The following TNFSF10 variants were observed in gnomAD, a reference collection of about 807,000 sequenced individuals.
TNFSF10 encodes the protein tumor necrosis factor ligand superfamily member 10.
Under a neutral mutation model 29.5 loss-of-function variants are expected in TNFSF10, and 13 were observed. The observed-to-expected ratio is 0.44, with a 90% CI of 0.29 to 0.70. The LOEUF (loss-of-function observed/expected upper bound fraction) is 0.70. Ranked by LOEUF, TNFSF10 falls within the 30% of genes least tolerant of loss-of-function variation. TNFSF10 has a pLI of 0.13. For missense variants in TNFSF10, 345 were observed against 330.9 expected (o/e 1.04, Z -0.33); for synonymous variants, 111 against 112.8 (o/e 0.98, Z 0.10).
At chr3:172,509,053 CT>C (rs760984941) in intron 4 of TNFSF10, 163 bp downstream of exon 4, 12 of 468,074 alleles carry the variant, frequency 2.6e-5, no homozygotes, top group Non-Finnish European at 4.0e-5. Flanking sequence ...AGCTGTTTGT[CT>C]GTAATCTTGC....
intron 1 of TNFSF10, among the ~76,000 whole-genome samples, chr3:172,516,776 T>A (rs998812980): frequency 1.3e-5 from 2 of 152,170 alleles, no homozygotes; most frequent in Non-Finnish European, 2.9e-5. Flanking sequence ...CGAATTGACT[T>A]GGGAGATGCA....
At chr3:172,506,946 G>A (rs114244201) in intron 4 of TNFSF10, 27 bp from the exon 5 acceptor site, 1,205 of 1,524,414 alleles carry the variant, frequency 7.9e-4, no homozygotes, top group Non-Finnish European at 9.7e-4. Context: ...GAGAAAGAGC[G>A]TTAACAGAAG....
intron 1 of TNFSF10, among the ~76,000 whole-genome samples, chr3:172,520,630 T>A (rs231982): frequency 6.6e-6 from 1 of 152,096 alleles, no homozygotes; most frequent in East Asian, 1.9e-4. Context: ...GTTCATTCAC[T>A]CAATAAGTAT....
intron 4 of TNFSF10, chr3:172,507,167 A>G (rs1713025411): frequency 2.1e-6 from 1 of 482,918 alleles, no homozygotes; most frequent in South Asian, 3.0e-5. Flanking sequence ...ATACCTTGTC[A>G]GCTGCTTATG....
At chr3:172,514,769 C>T in intron 2 of TNFSF10, 92 bp downstream of exon 2, 1 of 1,509,882 alleles carries the variant, frequency 6.6e-7, no homozygotes, top group Non-Finnish European at 9.0e-7. Context: ...AATGAAGAGT[C>T]TAGACTTGAT....
At position 172,506,322 on chromosome 3, in the gene TNFSF10, G is replaced by A. The variant is rs971534099; in HGVS notation, c.*170C>T. On this transcript the variant is annotated 3_prime_UTR_variant, in exon 5 of 5. Coordinates refer to ENST00000241261, the MANE Select transcript of TNFSF10 (RefSeq NM_003810.4). ...GTGAGTCACTTTCAGAACAGTGTGT[G>A]TTGTAGAATTTTTTGGTTGTGGCTG... 1.6e-5 allele frequency: 11 copies of A among 681,250 alleles called. No homozygotes were observed. The highest frequency in any genetic ancestry group is 2.6e-5 in the Non-Finnish European group (11 of 417,338). 42.2% of individuals were successfully genotyped at this position (681,250 alleles called of 1,614,324 possible).
chr3:172,521,555 A>T (rs1713699068), intron 1 of TNFSF10, among the ~76,000 whole-genome samples: 1 of 152,218 alleles, frequency 6.6e-6, no homozygotes, highest in Non-Finnish European at 1.5e-5. Context: ...GAAACAACAG[A>T]TGCTGGAAGG....
At chr3:172,508,876 T>C (rs1713104775) in intron 4 of TNFSF10, among the ~76,000 whole-genome samples, 1 of 114,616 alleles carries the variant, frequency 8.7e-6, no homozygotes, top group Non-Finnish European at 1.8e-5. Context: ...GCAACAAACG[T>C]GAAACTCTGT....
At chr3:172,520,009 C>T (rs367732602) in intron 1 of TNFSF10, among the ~76,000 whole-genome samples, 1 of 152,182 alleles carries the variant, frequency 6.6e-6, no homozygotes, top group Non-Finnish European at 1.5e-5. Context: ...CCTCCAAAGC[C>T]TTGTCTGAAC....
chr3:172,518,926 G>GA (rs201367771), intron 1 of TNFSF10, among the ~76,000 whole-genome samples: 1,897 of 127,954 alleles, frequency 0.015, 49 homozygotes, highest in African/African-American at 0.046. Flanking sequence ...GTATTGTATT[G>GA]AAAAAATGTA....
intron 2 of TNFSF10, 29 bp downstream of exon 2, chr3:172,514,832 T>C: frequency 6.2e-7 from 1 of 1,612,536 alleles, no homozygotes; most frequent in Non-Finnish European, 8.5e-7. Context: ...CTCCGCCTGC[T>C]GGTGAGGTCA....
At chr3:172,507,713 T>TAA (rs1713043679) in intron 4 of TNFSF10, among the ~76,000 whole-genome samples, 2 of 152,148 alleles carry the variant, frequency 1.3e-5, no homozygotes, top group Admixed American at 1.3e-4. Context: ...CAATCATTTA[T>TAA]AAAACATGAG....
Position 172,506,384 on chromosome 3 carries a change from G to T in TNFSF10, c.*108C>A. The T allele has an allele frequency of 5.8e-6, 8 of 1,382,138 alleles. No homozygotes were observed. Among genetic ancestry groups the T allele is most frequent in the African/African-American group, 4.4e-5 (3 of 68,234 alleles). 85.6% of individuals were successfully genotyped at this position (1,382,138 alleles called of 1,614,324 possible). A position where few individuals can be genotyped will look rare whatever the true frequency, so the allele number is the denominator to read the frequency against. ...TTGCATAGAGGTTTTTTTGTTTTCT[G>T]TTTTCTGTTTGTTTGTTTTGGTCAG... On this transcript the variant is annotated 3_prime_UTR_variant, in exon 5 of 5. Coordinates refer to ENST00000241261, the MANE Select transcript of TNFSF10 (RefSeq NM_003810.4).
intron 1 of TNFSF10, chr3:172,517,980 C>T (rs965558532): frequency 1.0e-6 from 1 of 985,696 alleles, no homozygotes; most frequent in Non-Finnish European, 1.2e-6. Flanking sequence ...GTAGTTTCTC[C>T]TATAGAACTT....
Position 172,506,614 on chromosome 3 carries a change from T to C in TNFSF10, c.724A>G (p.Ile242Val), listed in dbSNP as rs765610090. The change falls in exon 5 of 5, where the codon ATC (isoleucine) becomes GTC (valine). Residue 242 changes from isoleucine (I) to valine (V), a missense_variant. Ile to Val is a conservative substitution (Grantham distance 29). Coordinates refer to ENST00000241261, the MANE Select transcript of TNFSF10 (RefSeq NM_003810.4). ...SKDAEYGLYSIYQGGIFELKE... is the reference protein window; with the variant it reads ...SKDAEYGLYSVYQGGIFELKE... Reference sequence around the variant, plus strand: ...AGCTCAAATATTCCCCCTTGATAGATGGAATAGAGTCCATATTCTGCATCT... The same window carrying C: ...AGCTCAAATATTCCCCCTTGATAGACGGAATAGAGTCCATATTCTGCATCT... 15 of 1,614,090 alleles carry C rather than the reference T, an allele frequency of 9.3e-6. No homozygotes were observed. The Admixed American group carries it at 1.0e-4, about 11-fold the overall frequency.
intron 1 of TNFSF10, among the ~76,000 whole-genome samples, chr3:172,518,782 T>C (rs918464443): frequency 5.3e-5 from 8 of 152,376 alleles, no homozygotes; most frequent in African/African-American, 1.7e-4. Context: ...TTAATACTTA[T>C]GTTGAATATA....
rs1131532 is a variant in TNFSF10, at chr3:172,506,513, A to G, written c.825T>C (p.Phe275=). The change falls in exon 5 of 5, where the codon TTT becomes TTC. Residue 275 remains phenylalanine (F), a synonymous_variant. Transcript: ENST00000241261. ...TCAGTTAGCCAACTAAAAAGGCCCC[A>G]AAAAAACTGGCTTCATGGTCCATGT... ...LIDMDHEASF[F]GAFLVG is the part of the protein sequence containing the mutation. 0.67 allele frequency: 1,078,778 copies of G among 1,603,922 alleles called. 365,230 individuals are homozygous for G. Among genetic ancestry groups the G allele is most frequent in the African/African-American group, 0.78 (57,813 of 74,280 alleles).
chr3:172,516,728 C>A (rs1293220090), intron 1 of TNFSF10, among the ~76,000 whole-genome samples: 1 of 152,166 alleles, frequency 6.6e-6, no homozygotes, highest in Non-Finnish European at 1.5e-5. Flanking sequence ...CATTTCCTTG[C>A]CCCTGCCTGC....
rs751164679 is a variant in TNFSF10, at chr3:172,514,992, C to T, written c.139G>A (p.Asp47Asn). The change falls in exon 2 of 5, where the codon GAC (aspartate) becomes AAC (asparagine). Residue 47 changes from aspartate (D) to asparagine (N), a missense_variant. Physicochemically the swap from Asp to Asn is conservative, Grantham distance 23. Coordinates refer to ENST00000241261, the MANE Select transcript of TNFSF10 (RefSeq NM_003810.4). ...YFTNELKQMQ[D>N]KYSKSGIACF... ...GCAATGCCACTTTTGGAGTACTTGT[C>T]CTGCATCTGGGTTGAGATGGAATAT... is the stretch of plus-strand genomic sequence containing the variant. 14 of 1,613,994 alleles carry T rather than the reference C, an allele frequency of 8.7e-6. No individual in the cohort carries two copies. In the South Asian group the frequency reaches 1.1e-4, roughly 13 times the overall value.
Sources: gnomAD v4.1 joint callset for allele counts (sites outside exome capture counted in the v4.1 genomes callset) on GRCh38, gnomAD v4.1.1 for gene constraint, MANE v1.5 for transcripts, NCBI Gene and HGNC (gene_info 2026-07-23, HGNC 2026-07-21) for gene names.